The following CLVS1 variants were observed in gnomAD, a reference collection of about 807,000 sequenced individuals.
The protein encoded by CLVS1 is clavesin-1.
CLVS1 carries 10 observed loss-of-function variants against 33.1 expected under a neutral mutation model. The ratio of observed to expected loss-of-function variants is 0.30; its 90% CI spans 0.19 to 0.51. The LOEUF (loss-of-function observed/expected upper bound fraction) is 0.51. Among genes scored for constraint, CLVS1 ranks in the 20% least tolerant of loss-of-function variants. The pLI, the probability that CLVS1 is intolerant of heterozygous loss-of-function variation, is 0.97. For missense variants in CLVS1, 343 were observed against 433.4 expected, an observed-to-expected ratio of 0.79 and a Z score of 1.85; for synonymous variants, 163 against 166.1, an observed-to-expected ratio of 0.98 and a Z score of 0.14.
At chr8:61,257,622 A>AT (rs976459436) in intron 2 of CLVS1, among the ~76,000 whole-genome samples, 1 of 152,194 alleles carries the variant, frequency 6.6e-6, no homozygotes, top group African/African-American at 2.4e-5. Flanking sequence ...CTTACTGAGT[A>AT]TTTTTCCAAA....
intron 2 of CLVS1, among the ~76,000 whole-genome samples, chr8:61,364,486 C>A (rs1407284527): frequency 6.6e-6 from 1 of 152,160 alleles, no homozygotes; most frequent in South Asian, 2.1e-4. Flanking sequence ...AAAGATAAGA[C>A]TTTTCTTTCA....
At chr8:61,045,536 A>G in the CLVS1 span, among the ~76,000 whole-genome samples, 1 of 152,232 alleles carries the variant, frequency 6.6e-6, no homozygotes, top group East Asian at 1.9e-4. Context: ...GAAGCAGTTG[A>G]ATCACCTTCT....
intron 3 of CLVS1, among the ~76,000 whole-genome samples, chr8:61,445,080 A>AT: frequency 6.6e-6 from 1 of 152,300 alleles, no homozygotes; most frequent in Non-Finnish European, 1.5e-5. Flanking sequence ...AGAAAACATG[A>AT]TTAATACAAT....
At chr8:61,478,930 T>G (rs926258228) in intron 5 of CLVS1, among the ~76,000 whole-genome samples, 6 of 152,236 alleles carry the variant, frequency 3.9e-5, no homozygotes, top group South Asian at 2.1e-4. Flanking sequence ...CTGGCTTGTA[T>G]AGTTTCTGCC....
intron 2 of CLVS1, among the ~76,000 whole-genome samples, chr8:61,172,058 G>A (rs1807012230): frequency 6.6e-6 from 1 of 152,186 alleles, no homozygotes; most frequent in African/African-American, 2.4e-5. Context: ...CCTCTGCCTA[G>A]TCCATCTGTA....
At chr8:60,978,809 C>CAAAAAAAAA in the CLVS1 span, among the ~76,000 whole-genome samples, 3 of 22,522 alleles carry the variant, frequency 1.3e-4, no homozygotes, top group Non-Finnish European at 2.4e-4. Flanking sequence ...GACTCCATCT[C>CAAAAAAAAA]AAAAAAAAAA....
intron 2 of CLVS1, among the ~76,000 whole-genome samples, chr8:61,160,957 TAA>T (rs768784674): frequency 2.0e-5 from 3 of 152,148 alleles, no homozygotes; most frequent in Non-Finnish European, 2.9e-5. Context: ...CCAAGATATA[TAA>T]GTGACCCAAA....
At position 61,059,475 on chromosome 8, in the gene CLVS1, C is replaced by CATACATAT. The variant is rs59538219; in HGVS notation, c.-243+2248_-243+2249insCATATATA. ...ACACACACATATACATACATACATA[C>CATACATAT]ATATATATATATATATATATATATA... On this transcript the variant is annotated intron_variant, in intron 1 of 2. Transcript: ENST00000522621. Among the ~76,000 whole-genome samples, 121 of 50,198 alleles carry CATACATAT rather than the reference C, an allele frequency of 2.4e-3. 5 individuals are homozygous for CATACATAT. The highest frequency in any genetic ancestry group is 6.6e-3 in the African/African-American group (111 of 16,816). 32.9% of individuals were successfully genotyped at this position (50,198 alleles called of 152,430 possible).
At chr8:61,482,327 A>G (rs1818224998) in intron 5 of CLVS1, among the ~76,000 whole-genome samples, 1 of 152,258 alleles carries the variant, frequency 6.6e-6, no homozygotes, top group South Asian at 2.1e-4. Flanking sequence ...CTCACCAGCA[A>G]TGGAACAAAG....
intron 2 of CLVS1, among the ~76,000 whole-genome samples, chr8:61,256,797 A>T (rs1052251080): frequency 2.0e-5 from 3 of 152,226 alleles, no homozygotes; most frequent in Admixed American, 6.5e-5. Flanking sequence ...CAAGTGAAGG[A>T]AGCAATTTTA....
intron 2 of CLVS1, among the ~76,000 whole-genome samples, chr8:61,220,900 G>A (rs878888455): frequency 5.3e-5 from 8 of 152,046 alleles, no homozygotes; most frequent in African/African-American, 1.9e-4. Context: ...GTATTCCTAG[G>A]TATTTTATTC....
intron 1 of CLVS1, among the ~76,000 whole-genome samples, chr8:61,118,534 C>T (rs1424176633): frequency 1.3e-5 from 2 of 150,972 alleles, no homozygotes; most frequent in African/African-American, 4.9e-5. Flanking sequence ...CCTCTACACA[C>T]TGCTTTGAAT....
At chr8:61,208,035 G>A (rs1301031200) in intron 2 of CLVS1, among the ~76,000 whole-genome samples, 1 of 152,190 alleles carries the variant, frequency 6.6e-6, no homozygotes, top group Non-Finnish European at 1.5e-5. Flanking sequence ...ACAGCCAGCA[G>A]GAAATTCAGG....
At chr8:61,304,375 A>C (rs973188376) in intron 2 of CLVS1, among the ~76,000 whole-genome samples, 4 of 152,194 alleles carry the variant, frequency 2.6e-5, no homozygotes, top group Non-Finnish European at 5.9e-5. Context: ...CTGAGCATAA[A>C]CTGGCCTTGC....
chr8:61,106,096 C>T (rs1260303490), intron 1 of CLVS1, among the ~76,000 whole-genome samples: 1 of 152,170 alleles, frequency 6.6e-6, no homozygotes, highest in Non-Finnish European at 1.5e-5. Flanking sequence ...GAGCAGATTC[C>T]GCCACGTCTT....
chr8:61,136,017 G>T (rs1806186053), intron 2 of CLVS1, among the ~76,000 whole-genome samples: 1 of 152,226 alleles, frequency 6.6e-6, no homozygotes, highest in Non-Finnish European at 1.5e-5. Context: ...AGCATCACTT[G>T]GGAATTGGTT....
intron 2 of CLVS1, among the ~76,000 whole-genome samples, chr8:61,259,865 G>C (rs1489254665): frequency 6.6e-6 from 1 of 152,206 alleles, no homozygotes; most frequent in Non-Finnish European, 1.5e-5. Flanking sequence ...CATGCAGAGG[G>C]TACTCAGGCC....
intron 1 of CLVS1, among the ~76,000 whole-genome samples, chr8:61,074,519 A>G (rs2129281162): frequency 6.8e-6 from 1 of 147,674 alleles, no homozygotes; most frequent in African/African-American, 2.5e-5. Context: ...ATATGTATAT[A>G]TGCAAATAAA....
chr8:61,494,353 C>A (rs560622727), intron 5 of CLVS1, among the ~76,000 whole-genome samples: 1 of 151,954 alleles, frequency 6.6e-6, no homozygotes, highest in African/African-American at 2.4e-5. Context: ...GCTATCTAGG[C>A]TAGAATGAAG....
Sources: allele counts gnomAD v4.1 joint callset (sites outside exome capture counted in the v4.1 genomes callset), GRCh38; gene constraint gnomAD v4.1.1; transcripts MANE v1.5; gene names NCBI Gene and HGNC (gene_info 2026-07-23, HGNC 2026-07-21).